CASS4: variants seen among roughly 807,000 people sequenced by gnomAD.
CASS4 encodes the protein Cas scaffold protein family member 4.
A neutral mutation model predicts 54.2 loss-of-function variants in CASS4; 22 were observed. The ratio of observed to expected loss-of-function variants is 0.41; its 90% CI spans 0.29 to 0.58. The LOEUF (loss-of-function observed/expected upper bound fraction) is 0.58, where lower values mean the gene tolerates loss of function less well. CASS4 is among the 20% of genes least tolerant of loss of function. The probability of loss-of-function intolerance (pLI) is 0.36; values close to 1 mark genes in which losing one functional copy is unlikely to be tolerated. For synonymous variants in CASS4, 409 were observed against 391.5 expected (o/e 1.04, Z -0.53); for missense variants, 854 against 986.7 (o/e 0.87, Z 1.80).
chr20:56,426,282 A>AGGAGAT (rs1328574663), intron 1 of CASS4, among the ~76,000 whole-genome samples: 3 of 152,204 alleles, frequency 2.0e-5, no homozygotes, highest in African/African-American at 7.2e-5. Context: ...ATGAGATGTT[A>AGGAGAT]GTTATAGTAC....
At position 56,430,595 on chromosome 20, in the gene CASS4, T is replaced by C. The variant is rs551013633; in HGVS notation, c.37-6569T>C. The stretch of plus-strand genomic sequence containing the variant: ...GTGGCCTGTCAACTGCTTCCATCTG[T>C]TATTCACAAAGAGCTCAGTGCAGCG... On this transcript the variant is annotated intron_variant, in intron 1 of 5. Transcript: ENST00000679887. The surrounding 1 kb of genome is among the most constrained non-coding windows in gnomAD (Gnocchi z 4.2). Among the ~76,000 whole-genome samples, 2 of 152,300 alleles carry C rather than the reference T, an allele frequency of 1.3e-5. No homozygotes were observed. The highest frequency in any genetic ancestry group is 4.8e-5 in the African/African-American group (2 of 41,560).
chr20:56,435,361 T>C (rs947713239), intron 1 of CASS4, among the ~76,000 whole-genome samples: 10 of 152,252 alleles, frequency 6.6e-5, no homozygotes, highest in Non-Finnish European at 1.2e-4. Context: ...TAAATTTATT[T>C]AGAAAAATAA....
chr20:56,449,804 G>A (rs1290159016), intron 3 of CASS4, among the ~76,000 whole-genome samples: 1 of 152,014 alleles, frequency 6.6e-6, no homozygotes, highest in Admixed American at 6.5e-5. Flanking sequence ...GTGTCATCCA[G>A]CTTCGTGTCT....
Position 56,423,408 on chromosome 20 carries a change from GACTGTCAC to G in CASS4, c.36+10917_36+10924del, listed in dbSNP as rs1979499892. Among the ~76,000 whole-genome samples the G allele has an allele frequency of 2.0e-5, 3 of 152,134 alleles. No homozygotes were observed. In the South Asian group the frequency reaches 6.2e-4, roughly 32 times the overall value. ...AAGTAGGTAATGATGGTTTCCAAAT[GACTGTCAC>G]ACCATGGGAAACAATTGAAAGTTGC... On this transcript the variant is annotated intron_variant, in intron 1 of 5. Coordinates refer to ENST00000679887, the MANE Select transcript of CASS4 (RefSeq NM_020356.4).
chr20:56,416,481 T>C (rs988582595), intron 1 of CASS4, among the ~76,000 whole-genome samples: 27 of 152,226 alleles, frequency 1.8e-4, no homozygotes, highest in African/African-American at 6.3e-4. Flanking sequence ...GAGTCTGCAA[T>C]GTACTTTAGT....
At chr20:56,458,245 A>G (rs1981393322) in intron 5 of CASS4, 95 bp from the exon 6 acceptor site, 1 of 1,254,694 alleles carries the variant, frequency 8.0e-7, no homozygotes, top group Admixed American at 2.3e-5. Flanking sequence ...TAAAAAAAAT[A>G]AAAAGTCTTG....
intron 1 of CASS4, among the ~76,000 whole-genome samples, chr20:56,422,914 T>A (rs1222459411): frequency 6.6e-6 from 1 of 152,270 alleles, no homozygotes; most frequent in East Asian, 1.9e-4. Context: ...TCTTTGTCCC[T>A]GGTTTCTCTG....
intron 5 of CASS4, 156 bp downstream of exon 5, chr20:56,453,285 G>T: frequency 1.6e-6 from 1 of 614,356 alleles, no homozygotes; most frequent in Non-Finnish European, 2.8e-6. Flanking sequence ...TAAAATTCTT[G>T]ATGAAATCTT....
chr20:56,422,792 C>G (rs1177712233), intron 1 of CASS4, among the ~76,000 whole-genome samples: 2 of 152,256 alleles, frequency 1.3e-5, no homozygotes, highest in Non-Finnish European at 2.9e-5. Context: ...ATGTGCCATT[C>G]TCCACGATTA....
intron 2 of CASS4, among the ~76,000 whole-genome samples, chr20:56,441,118 A>G (rs565054350): frequency 5.3e-5 from 8 of 150,874 alleles, no homozygotes; most frequent in African/African-American, 2.0e-4. Context: ...CCTCCCAAGT[A>G]GCTGGGAACA....
In CASS4 at chr20:56,437,136, A is replaced by G; in HGVS notation, c.37-28A>G. 6.6e-7 allele frequency: 1 copy of G among 1,516,108 alleles called. No homozygotes were observed. The highest frequency in any genetic ancestry group is 8.8e-7 in the Non-Finnish European group (1 of 1,130,384). The allele number at this position is 1,516,108 out of a possible 1,614,324, so 93.9% of individuals were successfully genotyped here. ...GTCACTGGCCACGGTGCTAACTGCA[A>G]ATTCTCTTCTCCCCTCTCCACCCAC... On this transcript the variant is annotated intron_variant, in intron 1 of 5. Transcript: ENST00000679887. This position sits in a 1 kb window ranked among gnomAD's most constrained non-coding sequence, Gnocchi z 4.7.
chr20:56,417,851 C>T (rs903598602), intron 1 of CASS4, among the ~76,000 whole-genome samples: 2 of 152,196 alleles, frequency 1.3e-5, no homozygotes, highest in Non-Finnish European at 2.9e-5. Context: ...ACAATTGTCC[C>T]CCTCCTTGTC....
intron 1 of CASS4, among the ~76,000 whole-genome samples, chr20:56,413,170 T>TAA (rs879258639): frequency 1.6e-5 from 2 of 124,190 alleles, no homozygotes; most frequent in African/African-American, 6.3e-5. Context: ...GACCCCATCT[T>TAA]AAAAAAAAAA....
chr20:56,423,873 T>C (rs900548828), intron 1 of CASS4, among the ~76,000 whole-genome samples: 1 of 152,092 alleles, frequency 6.6e-6, no homozygotes, highest in African/African-American at 2.4e-5. Flanking sequence ...TAAGAGTAGT[T>C]GGAAAAAGGG....
At chr20:56,424,159 A>G (rs1979533292) in intron 1 of CASS4, among the ~76,000 whole-genome samples, 1 of 152,226 alleles carries the variant, frequency 6.6e-6, no homozygotes, top group South Asian at 2.1e-4. Flanking sequence ...CTACTTAGCT[A>G]TCACCTCATT....
intron 1 of CASS4, among the ~76,000 whole-genome samples, chr20:56,423,087 T>C (rs1346616783): frequency 6.6e-6 from 1 of 152,192 alleles, no homozygotes; most frequent in Middle Eastern, 3.2e-3. Flanking sequence ...ACTGGCCAGA[T>C]CCACAGGCAA....
At chr20:56,417,602 C>T (rs1979203293) in intron 1 of CASS4, among the ~76,000 whole-genome samples, 1 of 152,230 alleles carries the variant, frequency 6.6e-6, no homozygotes, top group South Asian at 2.1e-4. Flanking sequence ...GCTGCATCTC[C>T]GGTGCCTACA....
At chr20:56,426,238 A>G (rs1041263744) in intron 1 of CASS4, among the ~76,000 whole-genome samples, 5 of 151,900 alleles carry the variant, frequency 3.3e-5, no homozygotes, top group African/African-American at 1.2e-4. Flanking sequence ...CTACTTTCTC[A>G]CCCTCTCTGT....
At position 56,453,085 on chromosome 20, in the gene CASS4, T is replaced by A. The variant is rs571519281; in HGVS notation, c.1909T>A (p.Ser637Thr). 1.4e-5 allele frequency: 23 copies of A among 1,613,996 alleles called. No individual in the cohort carries two copies. The highest frequency in any genetic ancestry group is 1.9e-5 in the Non-Finnish European group (23 of 1,180,004). Residue 637 changes from serine to threonine, a missense_variant, in exon 5 of 6, where the codon TCT becomes ACT. Coordinates refer to ENST00000679887, the MANE Select transcript of CASS4 (RefSeq NM_020356.4). ...PSTKQREDEHSSELLKKNRAN... is the reference protein window; with the variant it reads ...PSTKQREDEHTSELLKKNRAN... ...CACTAAGCAAAGGGAAGATGAACACTCTTCTGAACTATTAAAGAAAAATAG... is the reference window on the plus strand; with the variant it reads ...CACTAAGCAAAGGGAAGATGAACACACTTCTGAACTATTAAAGAAAAATAG...
Sources: allele counts gnomAD v4.1 joint callset (sites outside exome capture counted in the v4.1 genomes callset), GRCh38; gene constraint gnomAD v4.1.1; non-coding constraint Gnocchi (gnomAD v3.1); transcripts MANE v1.5; gene names NCBI Gene and HGNC (gene_info 2026-07-23, HGNC 2026-07-21).